Variants in CFAP20DC observed in about 807,000 individuals in gnomAD.
The protein encoded by CFAP20DC is CFAP20 domain containing, also known as protein CFAP20DC.
A neutral mutation model predicts 101.7 loss-of-function variants in CFAP20DC; 84 were observed. The ratio of observed to expected loss-of-function variants is 0.83; its 90% CI spans 0.69 to 0.99. The LOEUF (loss-of-function observed/expected upper bound fraction) is 0.99. CFAP20DC is among the 50% of genes least tolerant of loss of function. The pLI, the probability that CFAP20DC is intolerant of heterozygous loss-of-function variation, is 0.00. For missense variants in CFAP20DC, 1,007 were observed against 970.3 expected, an observed-to-expected ratio of 1.04 and a Z score of -0.50; for synonymous variants, 359 against 351.2, an observed-to-expected ratio of 1.02 and a Z score of -0.25.
chr3:58,725,460 A>G (rs1453514694), intron 3 of CFAP20DC, among the ~76,000 whole-genome samples: 1 of 152,168 alleles, frequency 6.6e-6, no homozygotes, highest in Non-Finnish European at 1.5e-5. Context: ...TATCACAGTG[A>G]CTAGTCACTG....
At chr3:58,763,180 A>T (rs1404377991) in intron 15 of CFAP20DC, among the ~76,000 whole-genome samples, 24 of 152,322 alleles carry the variant, frequency 1.6e-4, no homozygotes, top group Middle Eastern at 3.4e-3. Flanking sequence ...TACACCAATC[A>T]GACGTAGATT....
rs1365740073 is a variant in CFAP20DC, at chr3:58,863,069, T to C, written c.1593+489A>G. 1.0e-6 allele frequency: 1 copy of C among 992,840 alleles called. No homozygotes were observed. The highest frequency in any genetic ancestry group is 1.7e-5 in the African/African-American group (1 of 57,672). 61.5% of individuals were successfully genotyped at this position (992,840 alleles called of 1,614,324 possible). The stretch of plus-strand genomic sequence containing the variant: ...CACGACTCATTATCTAAACTTTAAT[T>C]GGCACAACTCTTCAAATTCTGGGAC... On this transcript the variant is annotated intron_variant, in intron 12 of 16. Coordinates refer to ENST00000482387, the MANE Select transcript of CFAP20DC (RefSeq NM_001394063.1). This position sits in a 1 kb window ranked among gnomAD's most constrained non-coding sequence, Gnocchi z 5.9.
At chr3:58,811,586 T>C (rs184362280) in intron 14 of CFAP20DC, among the ~76,000 whole-genome samples, 17 of 152,196 alleles carry the variant, frequency 1.1e-4, no homozygotes, top group Admixed American at 9.8e-4. Flanking sequence ...ACGTTAGACC[T>C]AAAACCATAA....
At chr3:58,837,958 C>T (rs1198871027) in intron 13 of CFAP20DC, among the ~76,000 whole-genome samples, 1 of 152,122 alleles carries the variant, frequency 6.6e-6, no homozygotes, top group Non-Finnish European at 1.5e-5. Flanking sequence ...TTCCAGGGCA[C>T]CTCTTTACTA....
chr3:59,023,769 G>C (rs931674654), intron 4 of CFAP20DC, among the ~76,000 whole-genome samples: 2 of 152,044 alleles, frequency 1.3e-5, no homozygotes, highest in Non-Finnish European at 2.9e-5. Flanking sequence ...AAATGTTAGA[G>C]TACCTCGAAA....
At chr3:59,039,523 C>T (rs1444725020) in intron 4 of CFAP20DC, 34 bp downstream of exon 4, 1 of 1,281,988 alleles carries the variant, frequency 7.8e-7, no homozygotes, top group Non-Finnish European at 1.1e-6. Context: ...GTCTAATACA[C>T]ACAAAACATT....
chr3:58,822,943 C>G (rs1419860719), intron 14 of CFAP20DC, among the ~76,000 whole-genome samples: 1 of 152,152 alleles, frequency 6.6e-6, no homozygotes, highest in Non-Finnish European at 1.5e-5. Flanking sequence ...AAAGGAACAT[C>G]CTTATCTCTG....
chr3:58,736,217 T>C (rs1345159485), intron 3 of CFAP20DC, among the ~76,000 whole-genome samples: 1 of 152,184 alleles, frequency 6.6e-6, no homozygotes, highest in Non-Finnish European at 1.5e-5. Flanking sequence ...GCTAGTAATA[T>C]CAATTTCTTT....
intron 3 of CFAP20DC, among the ~76,000 whole-genome samples, chr3:59,040,581 C>T (rs760152050): frequency 3.3e-5 from 5 of 151,804 alleles, no homozygotes; most frequent in African/African-American, 7.3e-5. Flanking sequence ...CAGACCAACA[C>T]GTGGATTAAA....
chr3:59,039,565 A>C lies in CFAP20DC; in HGVS notation c.270T>G (p.Thr90=), dbSNP rs927215893. Residue 90 remains threonine (T), a synonymous_variant, in exon 4 of 17, where the codon ACT becomes ACG. Transcript: ENST00000482387. The part of the protein sequence containing the change: ...IYVPLGQDFS[T]ELLITDLGNI... The stretch of plus-strand genomic sequence containing the variant: ...AGTTCTGTATATCTTACAGCAATTC[A>C]GTGGAGAAGTCTTGTCCCAGGGGTA... 1 of 1,517,834 alleles carries C rather than the reference A, an allele frequency of 6.6e-7. No individual in the cohort carries two copies. The highest frequency in any genetic ancestry group is 1.4e-5 in the African/African-American group (1 of 72,430). 94.0% of individuals were successfully genotyped at this position (1,517,834 alleles called of 1,614,324 possible). A position where few individuals can be genotyped will look rare whatever the true frequency, so the allele number is the denominator to read the frequency against.
At chr3:58,991,577 G>A (rs1480562465) in intron 4 of CFAP20DC, among the ~76,000 whole-genome samples, 3 of 152,216 alleles carry the variant, frequency 2.0e-5, no homozygotes, top group African/African-American at 4.8e-5. Context: ...TCTATGAACG[G>A]GGTAGGGGGA....
rs2091374914 is a variant in CFAP20DC at position 58,964,276 on chromosome 3, T to C, written c.279-26514A>G. ...CTGGTTCTGGCCAGTTTAGGGAGGC[T>C]GGTCACTCAAATGCCTTCATGTCCT... On this transcript the variant is annotated intron_variant, in intron 4 of 16. Coordinates refer to ENST00000482387, the MANE Select transcript of CFAP20DC (RefSeq NM_001394063.1). This position sits in a 1 kb window ranked among gnomAD's most constrained non-coding sequence, Gnocchi z 4.1. Among the ~76,000 whole-genome samples the C allele has an allele frequency of 6.6e-6, 1 of 152,218 alleles. No homozygotes were observed. Among genetic ancestry groups the C allele is most frequent in the Non-Finnish European group, 1.5e-5 (1 of 68,024 alleles).
intron 15 of CFAP20DC, among the ~76,000 whole-genome samples, chr3:58,761,439 AG>A (rs1425756232): frequency 2.0e-5 from 3 of 152,128 alleles, no homozygotes; most frequent in African/African-American, 7.2e-5. Context: ...CTTCTTTATT[AG>A]TCTTGCTAGT....
At chr3:58,917,774 CA>C (rs1298798419) in intron 5 of CFAP20DC, among the ~76,000 whole-genome samples, 2 of 152,094 alleles carry the variant, frequency 1.3e-5, no homozygotes, top group Admixed American at 6.6e-5. Flanking sequence ...TTAGAAGAAG[CA>C]ATTACCTATT....
Position 58,914,888 on chromosome 3 carries a change from T to C in CFAP20DC, c.394-1024A>G, listed in dbSNP as rs1318295395. On this transcript the variant is annotated intron_variant, in intron 5 of 16. Coordinates refer to ENST00000482387, the MANE Select transcript of CFAP20DC (RefSeq NM_001394063.1). This position sits in a 1 kb window ranked among gnomAD's most constrained non-coding sequence, Gnocchi z 4.9. ...ACATTTGCAGGCTGTGGCAACGCTCTGGTCTTTGTGGAGAGAGGAGCCTGG... is the reference window on the plus strand; with the variant it reads ...ACATTTGCAGGCTGTGGCAACGCTCCGGTCTTTGTGGAGAGAGGAGCCTGG... 6.6e-6 allele frequency: 1 copy of C among 152,126 alleles called. No individual in the cohort carries two copies. The highest frequency in any genetic ancestry group is 2.4e-5 in the African/African-American group (1 of 41,424). The allele number at this position is 152,126 out of a possible 1,614,324, so 9.4% of individuals were successfully genotyped here. A position where few individuals can be genotyped will look rare whatever the true frequency, so the allele number is the denominator to read the frequency against.
rs2082302821 is a variant in CFAP20DC at position 58,892,076 on chromosome 3, TTATTGAACAGGGAG to T, written c.551-7381_551-7368del. On this transcript the variant is annotated intron_variant, in intron 6 of 16. Coordinates refer to ENST00000482387, the MANE Select transcript of CFAP20DC (RefSeq NM_001394063.1). This position sits in a 1 kb window ranked among gnomAD's most constrained non-coding sequence, Gnocchi z 4.0. The stretch of plus-strand genomic sequence containing the variant: ...GGCTAACCAGTTATCCCAGCATCAT[TTATTGAACAGGGAG>T]TATTTTCCCCATTCATTGATTTTGT... Among the ~76,000 whole-genome samples, 1 of 152,258 alleles carries T rather than the reference TTATTGAACAGGGAG, an allele frequency of 6.6e-6. No individual in the cohort carries two copies. The highest frequency in any genetic ancestry group is 1.5e-5 in the Non-Finnish European group (1 of 68,048).
At chr3:58,916,550 T>G (rs2084739258) in intron 5 of CFAP20DC, among the ~76,000 whole-genome samples, 1 of 152,184 alleles carries the variant, frequency 6.6e-6, no homozygotes, top group Non-Finnish European at 1.5e-5. Context: ...GTATGTGCAC[T>G]GACTGTGGGC....
At chr3:58,916,113 A>G (rs2084680919) in intron 5 of CFAP20DC, among the ~76,000 whole-genome samples, 2 of 152,088 alleles carry the variant, frequency 1.3e-5, no homozygotes, top group Non-Finnish European at 2.9e-5. Context: ...CTTTAAAAAC[A>G]TTTTTGCAGT....
intron 3 of CFAP20DC, among the ~76,000 whole-genome samples, chr3:59,044,187 G>A (rs1481585731): frequency 6.6e-6 from 1 of 152,012 alleles, no homozygotes; most frequent in Non-Finnish European, 1.5e-5. Context: ...TAAATAAAGT[G>A]GATGTTTACT....
Sources: allele counts gnomAD v4.1 joint callset (sites outside exome capture counted in the v4.1 genomes callset), GRCh38; gene constraint gnomAD v4.1.1; non-coding constraint Gnocchi (gnomAD v3.1); transcripts MANE v1.5; gene names NCBI Gene and HGNC (gene_info 2026-07-23, HGNC 2026-07-21).